The following AGAP1 variants were observed in gnomAD, a reference collection of about 807,000 sequenced individuals.
The protein encoded by AGAP1 is ArfGAP with GTPase domain, ankyrin repeat and PH domain 1, also known as arf-GAP with GTPase, ANK repeat and PH domain-containing protein 1.
Under a neutral mutation model 105.3 loss-of-function variants are expected in AGAP1, and 29 were observed. The observed-to-expected ratio is 0.28, with a 90% CI of 0.21 to 0.38. The LOEUF (loss-of-function observed/expected upper bound fraction) is 0.38, where lower values mean the gene tolerates loss of function less well. Ranked by LOEUF, AGAP1 falls within the 10% of genes least tolerant of loss-of-function variation. AGAP1 has a pLI of 1.00. For missense variants in AGAP1, 998 were observed against 1,165.1 expected (o/e 0.86, Z 2.09); for synonymous variants, 509 against 485.9 (o/e 1.05, Z -0.63).
chr2:235,720,088 G>A lies in AGAP1; in HGVS notation c.310+2444G>A, dbSNP rs369334528. 1.3e-5 allele frequency among the ~76,000 whole-genome samples: 2 copies of A among 152,148 alleles called. No individual in the cohort carries two copies. The highest frequency in any genetic ancestry group is 1.3e-4 in the Admixed American group (2 of 15,286). On this transcript the variant is annotated intron_variant, in intron 3 of 17. Coordinates refer to ENST00000304032, the MANE Select transcript of AGAP1 (RefSeq NM_001037131.3). The surrounding 1 kb of genome is among the most constrained non-coding windows in gnomAD (Gnocchi z 5.0). ...CAGTGGCAGGAGGGAGCCATAACTTGTTGTAATGTCACTTGTAATGAAGGG... is the reference window on the plus strand; with the variant it reads ...CAGTGGCAGGAGGGAGCCATAACTTATTGTAATGTCACTTGTAATGAAGGG...
chr2:235,659,565 T>A lies in AGAP1; in HGVS notation c.164-49614T>A, dbSNP rs563891430. 6.6e-6 allele frequency among the ~76,000 whole-genome samples: 1 copy of A among 152,314 alleles called. No individual in the cohort carries two copies. Among genetic ancestry groups the A allele is most frequent in the South Asian group, 2.1e-4 (1 of 4,826 alleles). The stretch of plus-strand genomic sequence containing the variant: ...GCGTCAGTGCCCTGCTCGGGGTCCC[T>A]TTGCAGCTCCCCTGAACGTGCCATT... On this transcript the variant is annotated intron_variant, in intron 1 of 17. Coordinates refer to ENST00000304032, the MANE Select transcript of AGAP1 (RefSeq NM_001037131.3). This position sits in a 1 kb window ranked among gnomAD's most constrained non-coding sequence, Gnocchi z 5.0.
intron 9 of AGAP1, among the ~76,000 whole-genome samples, chr2:235,809,395 T>C (rs1958010716): frequency 6.6e-6 from 1 of 152,128 alleles, no homozygotes; most frequent in Non-Finnish European, 1.5e-5. Flanking sequence ...GGGAGCTCCT[T>C]GTCCCTCCTA....
intron 13 of AGAP1, among the ~76,000 whole-genome samples, chr2:236,024,228 G>T (rs977499704): frequency 2.6e-5 from 4 of 151,794 alleles, no homozygotes; most frequent in African/African-American, 9.7e-5. Context: ...GTAGAGATGG[G>T]GTTTCACCAT....
chr2:235,974,114 T>C (rs1176105620), intron 13 of AGAP1, among the ~76,000 whole-genome samples: 4 of 152,234 alleles, frequency 2.6e-5, no homozygotes, highest in African/African-American at 9.6e-5. Flanking sequence ...CATTAAGTGC[T>C]AATTTCCCTG....
At chr2:235,975,906 T>G (rs1029530622) in intron 13 of AGAP1, among the ~76,000 whole-genome samples, 3 of 152,214 alleles carry the variant, frequency 2.0e-5, no homozygotes, top group Admixed American at 6.5e-5. Context: ...CAATAAGGAC[T>G]TATTAATTAA....
At position 236,005,520 on chromosome 2, in the gene AGAP1, A is replaced by G. The variant is rs1390434961; in HGVS notation, c.1646-31041A>G. ...GAGTCAATATTGATATGTTTTTATT[A>G]AAGTCCACACTTTATTTGCATCTCT... On this transcript the variant is annotated intron_variant, in intron 13 of 17. Transcript: ENST00000304032. This position sits in a 1 kb window ranked among gnomAD's most constrained non-coding sequence, Gnocchi z 4.1. Among the ~76,000 whole-genome samples, 2 of 152,174 alleles carry G rather than the reference A, an allele frequency of 1.3e-5. No homozygotes were observed. Among genetic ancestry groups the G allele is most frequent in the Non-Finnish European group, 2.9e-5 (2 of 68,038 alleles).
In AGAP1 at chr2:236,130,905, T is replaced by C. The variant is rs6431429; in HGVS notation, c.*6783T>C. 37,771 of 152,092 alleles carry C rather than the reference T, an allele frequency of 0.25. 7,073 individuals are homozygous for C. Among genetic ancestry groups the C allele is most frequent in the African/African-American group, 0.52 (21,719 of 41,430 alleles). 9.4% of individuals were successfully genotyped at this position (152,092 alleles called of 1,614,324 possible). A position where few individuals can be genotyped will look rare whatever the true frequency, so the allele number is the denominator to read the frequency against. ...AGGTTGGCACGAGGGACCTCCCCCA[T>C]CCCAACCCAGCCCCAAGGGTCCCAG... On this transcript the variant is annotated 3_prime_UTR_variant, in exon 18 of 18. Coordinates refer to ENST00000304032, the MANE Select transcript of AGAP1 (RefSeq NM_001037131.3). This position sits in a 1 kb window ranked among gnomAD's most constrained non-coding sequence, Gnocchi z 5.8.
At chr2:236,071,852 T>A (rs2058504635) in intron 16 of AGAP1, among the ~76,000 whole-genome samples, 1 of 152,184 alleles carries the variant, frequency 6.6e-6, no homozygotes, top group South Asian at 2.1e-4. Context: ...ACAGACAGGT[T>A]GGAGCACCAC....
At position 235,983,547 on chromosome 2, in the gene AGAP1, A is replaced by G. The variant is rs1052597735; in HGVS notation, c.1645+14924A>G. On this transcript the variant is annotated intron_variant, in intron 13 of 17. Coordinates refer to ENST00000304032, the MANE Select transcript of AGAP1 (RefSeq NM_001037131.3). The surrounding 1 kb of genome is among the most constrained non-coding windows in gnomAD (Gnocchi z 4.5). ...CTCTTTTTTCTTTGAACTTTTTTTT[A>G]TTGTGGCAAAATACAGTCATGCATC... is the stretch of plus-strand genomic sequence containing the variant. Among the ~76,000 whole-genome samples, 2 of 148,054 alleles carry G rather than the reference A, an allele frequency of 1.4e-5. No individual in the cohort carries two copies. Among genetic ancestry groups the G allele is most frequent in the Non-Finnish European group, 3.0e-5 (2 of 66,700 alleles).
At chr2:235,500,554 G>C (rs1169978058) in intron 1 of AGAP1, among the ~76,000 whole-genome samples, 1 of 152,220 alleles carries the variant, frequency 6.6e-6, no homozygotes, top group Non-Finnish European at 1.5e-5. Flanking sequence ...CAGCTGAGAA[G>C]GTTTCCTATC....
At position 235,883,491 on chromosome 2, in the gene AGAP1, C is replaced by T; in HGVS notation, c.1155+42C>T. ...CGGAGCAATTAACAGCTGCAGACCT[C>T]AACTAAACACTGTGGGGAAGGGGAA... is the stretch of plus-strand genomic sequence containing the variant. On this transcript the variant is annotated intron_variant, in intron 10 of 17. Coordinates refer to ENST00000304032, the MANE Select transcript of AGAP1 (RefSeq NM_001037131.3). This position sits in a 1 kb window ranked among gnomAD's most constrained non-coding sequence, Gnocchi z 4.5. 2.6e-6 allele frequency: 4 copies of T among 1,510,442 alleles called. No individual in the cohort carries two copies. The highest frequency in any genetic ancestry group is 3.7e-6 in the Non-Finnish European group (4 of 1,091,306). 93.6% of individuals were successfully genotyped at this position (1,510,442 alleles called of 1,614,324 possible). A position where few individuals can be genotyped will look rare whatever the true frequency, so the allele number is the denominator to read the frequency against.
intron 9 of AGAP1, among the ~76,000 whole-genome samples, chr2:235,821,508 C>T (rs1167830639): frequency 5.9e-5 from 9 of 151,656 alleles, no homozygotes; most frequent in Admixed American, 3.9e-4. Context: ...CTCAGCCTCC[C>T]GAGTAGCCGG....
chr2:235,709,711 C>T (rs1950743784), intron 2 of AGAP1, among the ~76,000 whole-genome samples: 1 of 152,130 alleles, frequency 6.6e-6, no homozygotes, highest in African/African-American at 2.4e-5. Context: ...ACCCTGTGAC[C>T]AAGTATTGGC....
chr2:235,569,886 A>G lies in AGAP1; in HGVS notation c.163+75037A>G, dbSNP rs532017247. Among the ~76,000 whole-genome samples, 27 of 152,312 alleles carry G rather than the reference A, an allele frequency of 1.8e-4. 1 individual carries two copies. In the South Asian group the frequency reaches 5.6e-3, roughly 32 times the overall value. On this transcript the variant is annotated intron_variant, in intron 1 of 17. Coordinates refer to ENST00000304032, the MANE Select transcript of AGAP1 (RefSeq NM_001037131.3). The surrounding 1 kb of genome is among the most constrained non-coding windows in gnomAD (Gnocchi z 5.9). ...CGATTGCTGGTCTCTTTACTTGTTT[A>G]GTGAAAACAGCAAAAATTTAGAATG...
chr2:235,884,678 T>A (rs2050187847), intron 10 of AGAP1, among the ~76,000 whole-genome samples: 1 of 152,146 alleles, frequency 6.6e-6, no homozygotes, highest in South Asian at 2.1e-4. Context: ...GGTCTTGAAC[T>A]CCTGACCTCA....
Position 236,090,656 on chromosome 2 carries a change from TC to T in AGAP1, c.2115-29534del, listed in dbSNP as rs2059034955. ...TTGAAAGCTAGCAGGGAGGGGGTCT[TC>T]CTGGTTATACGGCCCAGCTTGCAAA... On this transcript the variant is annotated intron_variant, in intron 16 of 17. Transcript: ENST00000304032. This position sits in a 1 kb window ranked among gnomAD's most constrained non-coding sequence, Gnocchi z 4.3. Among the ~76,000 whole-genome samples the T allele has an allele frequency of 6.6e-6, 1 of 152,226 alleles. No homozygotes were observed. The highest frequency in any genetic ancestry group is 2.4e-5 in the African/African-American group (1 of 41,462).
intron 9 of AGAP1, among the ~76,000 whole-genome samples, chr2:235,857,615 A>T (rs928860004): frequency 3.9e-5 from 6 of 152,240 alleles, no homozygotes; most frequent in Non-Finnish European, 7.3e-5. Context: ...TGTCACATGT[A>T]TACATTGTCT....
chr2:235,687,899 C>CTTTTTT lies in AGAP1; in HGVS notation c.164-21265_164-21260dup, dbSNP rs10670064. 2.5e-4 allele frequency among the ~76,000 whole-genome samples: 22 copies of CTTTTTT among 89,658 alleles called. 1 individual carries two copies. Among genetic ancestry groups the CTTTTTT allele is most frequent in the Non-Finnish European group, 2.8e-4 (14 of 50,176 alleles). 58.8% of individuals were successfully genotyped at this position (89,658 alleles called of 152,430 possible). ...TTTCTTCTTAATCGCCGCTCTCTGACTTTTTTTTTTTTTTTTTTTTGAGAT... is the reference window on the plus strand; with the variant it reads ...TTTCTTCTTAATCGCCGCTCTCTGACTTTTTTTTTTTTTTTTTTTTTTTTTTGAGAT... On this transcript the variant is annotated intron_variant, in intron 1 of 17. Coordinates refer to ENST00000304032, the MANE Select transcript of AGAP1 (RefSeq NM_001037131.3).
At position 235,750,497 on chromosome 2, in the gene AGAP1, G is replaced by A. The variant is rs201642711; in HGVS notation, c.673+9G>A. 9.3e-6 allele frequency: 15 copies of A among 1,614,088 alleles called. No individual in the cohort carries two copies. The African/African-American group carries it at 1.5e-4, about 16-fold the overall frequency. On this transcript the variant is annotated intron_variant, in intron 6 of 17. Transcript: ENST00000304032. The surrounding 1 kb of genome is among the most constrained non-coding windows in gnomAD (Gnocchi z 5.3). Reference sequence around the variant, plus strand: ...GAGGGTCTTCCAGGACGGTAAATGCGCGTGGCTGGGAGTTTAATTTCAGTT... The same window carrying A: ...GAGGGTCTTCCAGGACGGTAAATGCACGTGGCTGGGAGTTTAATTTCAGTT...
Sources: gnomAD v4.1 joint callset for allele counts (sites outside exome capture counted in the v4.1 genomes callset) on GRCh38, gnomAD v4.1.1 for gene constraint, Gnocchi (gnomAD v3.1) non-coding constraint, MANE v1.5 for transcripts, NCBI Gene and HGNC (gene_info 2026-07-23, HGNC 2026-07-21) for gene names.